The following THSD7B variants were observed in gnomAD, a reference collection of about 807,000 sequenced individuals.
THSD7B encodes the protein thrombospondin type 1 domain containing 7B.
Under a neutral mutation model 213.6 loss-of-function variants are expected in THSD7B, and 138 were observed. The observed-to-expected ratio is 0.65, with a 90% CI of 0.56 to 0.74. The LOEUF (loss-of-function observed/expected upper bound fraction) is 0.74. Ranked by LOEUF, THSD7B falls within the 30% of genes least tolerant of loss-of-function variation. The pLI, the probability that THSD7B is intolerant of heterozygous loss-of-function variation, is 0.00. For synonymous variants in THSD7B, 742 were observed against 687.0 expected (o/e 1.08, Z -1.25); for missense variants, 1,931 against 1,991.5 (o/e 0.97, Z 0.58).
At chr2:137,649,512 C>T (rs573013174) in intron 21 of THSD7B, among the ~76,000 whole-genome samples, 10 of 152,180 alleles carry the variant, frequency 6.6e-5, no homozygotes, top group Middle Eastern at 3.4e-3. Flanking sequence ...CCAGTTTTCC[C>T]GGTAATATTT....
chr2:137,050,398 T>C (rs1687047031), intron 2 of THSD7B, among the ~76,000 whole-genome samples: 1 of 152,218 alleles, frequency 6.6e-6, no homozygotes. Context: ...CGACTAATAA[T>C]TTGTAATCAA....
chr2:137,540,318 A>G (rs1182597760), intron 15 of THSD7B, among the ~76,000 whole-genome samples: 1 of 151,776 alleles, frequency 6.6e-6, no homozygotes, highest in African/African-American at 2.4e-5. Flanking sequence ...ATCAAGTTTC[A>G]TAGAATTCTG....
chr2:137,091,349 A>C (rs1316844122), intron 3 of THSD7B, among the ~76,000 whole-genome samples: 1 of 152,190 alleles, frequency 6.6e-6, no homozygotes, highest in Non-Finnish European at 1.5e-5. Context: ...TTTCTTTATG[A>C]AGGGAAAAAT....
At chr2:137,249,538 T>C (rs1194476371) in intron 10 of THSD7B, among the ~76,000 whole-genome samples, 1 of 152,210 alleles carries the variant, frequency 6.6e-6, no homozygotes, top group Non-Finnish European at 1.5e-5. Flanking sequence ...TTCTTCCCTC[T>C]GGACTAGAGA....
rs1276670161 is a variant in THSD7B, at chr2:137,268,138, G to A, written c.2267-4395G>A. Among the ~76,000 whole-genome samples, 5 of 152,034 alleles carry A rather than the reference G, an allele frequency of 3.3e-5. No homozygotes were observed. The South Asian group carries it at 6.2e-4, about 19-fold the overall frequency. ...AGGGATATGGATCCAGAATCTAAGAGAGGATTCTTTATTTTATTTTATTTT... is the reference window on the plus strand; with the variant it reads ...AGGGATATGGATCCAGAATCTAAGAAAGGATTCTTTATTTTATTTTATTTT... On this transcript the variant is annotated intron_variant, in intron 10 of 27. Transcript: ENST00000409968.
At chr2:137,053,903 G>A (rs1687113595) in intron 2 of THSD7B, among the ~76,000 whole-genome samples, 1 of 152,090 alleles carries the variant, frequency 6.6e-6, no homozygotes, top group Non-Finnish European at 1.5e-5. Flanking sequence ...AAAGTTTGCT[G>A]TGTTTGTATA....
intron 3 of THSD7B, among the ~76,000 whole-genome samples, chr2:137,074,205 A>T (rs960687093): frequency 1.3e-5 from 2 of 151,862 alleles, no homozygotes; most frequent in Non-Finnish European, 2.9e-5. Context: ...TCCCATTATT[A>T]ATGTGTGGGA....
intron 2 of THSD7B, among the ~76,000 whole-genome samples, chr2:136,940,728 A>T (rs1390930717): frequency 2.8e-5 from 3 of 107,498 alleles, no homozygotes; most frequent in African/African-American, 4.4e-5. Context: ...TATATATATA[A>T]TATATATATA....
intron 1 of THSD7B, among the ~76,000 whole-genome samples, chr2:136,787,668 T>C (rs1408526050): frequency 6.6e-6 from 1 of 152,142 alleles, no homozygotes; most frequent in Non-Finnish European, 1.5e-5. Context: ...GTGGGTATGG[T>C]AGATTGTATT....
At chr2:137,388,967 A>C (rs1019749634) in intron 12 of THSD7B, among the ~76,000 whole-genome samples, 1 of 151,928 alleles carries the variant, frequency 6.6e-6, no homozygotes, top group South Asian at 2.1e-4. Context: ...ATATTGCTGC[A>C]ATAAACATGG....
chr2:137,572,574 G>T lies in THSD7B; in HGVS notation c.3423+18G>T, dbSNP rs1270873465. ...GCCCACAGGTAATTTCTCTTTCTTT[G>T]TCAATGCTCTGATAATCTATTGTTG... On this transcript the variant is annotated intron_variant, in intron 17 of 27. Transcript: ENST00000409968. The T allele has an allele frequency of 1.9e-6, 3 of 1,612,890 alleles. No individual in the cohort carries two copies. Among genetic ancestry groups the T allele is most frequent in the East Asian group, 2.2e-5 (1 of 44,852 alleles).
intron 1 of THSD7B, among the ~76,000 whole-genome samples, chr2:136,816,721 C>A (rs1351111631): frequency 6.6e-6 from 1 of 152,166 alleles, no homozygotes; most frequent in Non-Finnish European, 1.5e-5. Context: ...ATATTTGCAT[C>A]TCCACTGGGA....
chr2:137,520,660 T>G (rs1680167954), intron 15 of THSD7B, among the ~76,000 whole-genome samples: 1 of 152,244 alleles, frequency 6.6e-6, no homozygotes, highest in South Asian at 2.1e-4. Context: ...CTTCAATTGC[T>G]TTCTTTCTTT....
At chr2:136,939,872 C>A (rs568754227) in intron 2 of THSD7B, among the ~76,000 whole-genome samples, 2 of 152,168 alleles carry the variant, frequency 1.3e-5, no homozygotes, top group South Asian at 2.1e-4. Context: ...CCTACCACCA[C>A]CCCCCGACAC....
At chr2:137,270,622 G>C (rs1558737194) in intron 10 of THSD7B, among the ~76,000 whole-genome samples, 1 of 152,240 alleles carries the variant, frequency 6.6e-6, no homozygotes, top group South Asian at 2.1e-4. Context: ...CACGACATTG[G>C]GAGCCATGAC....
chr2:137,060,588 A>G (rs1355832733), intron 3 of THSD7B, among the ~76,000 whole-genome samples: 1 of 151,930 alleles, frequency 6.6e-6, no homozygotes, highest in East Asian at 1.9e-4. Flanking sequence ...TTATATGTTC[A>G]GTTGTTCCAG....
At chr2:137,166,266 A>G (rs181143848) in intron 6 of THSD7B, among the ~76,000 whole-genome samples, 1 of 152,256 alleles carries the variant, frequency 6.6e-6, no homozygotes, top group East Asian at 1.9e-4. Context: ...TTTATCATTT[A>G]TTGCTTTGTC....
intron 5 of THSD7B, among the ~76,000 whole-genome samples, chr2:137,127,572 G>T (rs1688653162): frequency 6.6e-6 from 1 of 152,102 alleles, no homozygotes; most frequent in South Asian, 2.1e-4. Context: ...CCTGATTTGG[G>T]CTTCAATTTG....
At chr2:136,784,449 G>T (rs1437987973) in intron 1 of THSD7B, among the ~76,000 whole-genome samples, 1 of 152,162 alleles carries the variant, frequency 6.6e-6, no homozygotes, top group East Asian at 1.9e-4. Flanking sequence ...TTATTGCAAA[G>T]ATGATATTTA....
Sources: allele counts gnomAD v4.1 joint callset (sites outside exome capture counted in the v4.1 genomes callset), GRCh38; gene constraint gnomAD v4.1.1; transcripts MANE v1.5; gene names NCBI Gene and HGNC (gene_info 2026-07-23, HGNC 2026-07-21).